SH3PXD2B: variants seen among roughly 807,000 people sequenced by gnomAD.
The protein encoded by SH3PXD2B is SH3 and PX domains 2B, also known as SH3 and PX domain-containing protein 2B.
SH3PXD2B carries 37 observed loss-of-function variants against 73.1 expected under a neutral mutation model. The ratio of observed to expected loss-of-function variants is 0.51; its 90% CI spans 0.39 to 0.67. The LOEUF (loss-of-function observed/expected upper bound fraction) is 0.67. Ranked by LOEUF, SH3PXD2B falls within the 30% of genes least tolerant of loss-of-function variation. The pLI is 0.00. For missense variants in SH3PXD2B, 1,053 were observed against 1,197.8 expected, an observed-to-expected ratio of 0.88 and a Z score of 1.78; for synonymous variants, 457 against 480.5, an observed-to-expected ratio of 0.95 and a Z score of 0.64.
At chr5:172,373,925 C>G in intron 5 of SH3PXD2B, 110 bp from the exon 6 acceptor site, 2 of 1,205,726 alleles carry the variant, frequency 1.7e-6, no homozygotes. Context: ...ACAACATCAT[C>G]AGTGAATGAA....
chr5:172,362,654 AGTTTCT>A, intron 7 of SH3PXD2B, 75 bp downstream of exon 7: 1 of 1,605,952 alleles, frequency 6.2e-7, no homozygotes, highest in East Asian at 2.2e-5. Flanking sequence ...TGGCCATTTC[AGTTTCT>A]GAGTTTCCAA....
At chr5:172,411,815 G>A (rs72846962) in intron 2 of SH3PXD2B, among the ~76,000 whole-genome samples, 2,552 of 150,664 alleles carry the variant, frequency 0.017, 26 homozygotes, top group South Asian at 0.05. Flanking sequence ...TTTTTTAATC[G>A]TGTTAAATAT....
At chr5:172,405,602 T>G (rs1455184533) in intron 3 of SH3PXD2B, among the ~76,000 whole-genome samples, 1 of 152,170 alleles carries the variant, frequency 6.6e-6, no homozygotes, top group African/African-American at 2.4e-5. Context: ...GCCAACAATC[T>G]ACGTGGAGGC....
downstream of SH3PXD2B, among the ~76,000 whole-genome samples, chr5:172,330,840 T>C (rs1210211191): frequency 6.6e-6 from 1 of 152,246 alleles, no homozygotes. Flanking sequence ...GTAAGAACTG[T>C]AGTGAAGATT....
intron 1 of SH3PXD2B, among the ~76,000 whole-genome samples, chr5:172,435,730 T>C (rs1388996749): frequency 1.3e-5 from 2 of 152,220 alleles, no homozygotes; most frequent in Non-Finnish European, 2.9e-5. Flanking sequence ...AGCCAAGTTT[T>C]GTTTTTTTAT....
chr5:172,448,049 A>G (rs1006512368), intron 1 of SH3PXD2B, among the ~76,000 whole-genome samples: 4 of 152,226 alleles, frequency 2.6e-5, no homozygotes, highest in Non-Finnish European at 5.9e-5. Context: ...AATAGTCGTT[A>G]AAGAAAAACC....
chr5:172,376,611 A>T (rs1422189792), intron 5 of SH3PXD2B, among the ~76,000 whole-genome samples: 1 of 152,134 alleles, frequency 6.6e-6, no homozygotes, highest in Non-Finnish European at 1.5e-5. Context: ...GGCGCAGCAG[A>T]GTCTGGCCAG....
chr5:172,426,781 T>C (rs931272088), intron 1 of SH3PXD2B, among the ~76,000 whole-genome samples: 2 of 152,104 alleles, frequency 1.3e-5, no homozygotes, highest in Non-Finnish European at 2.9e-5. Flanking sequence ...GAATTTCCCA[T>C]GGAAAGCGCC....
intron 2 of SH3PXD2B, among the ~76,000 whole-genome samples, chr5:172,415,877 G>A (rs1758806666): frequency 1.3e-5 from 2 of 152,210 alleles, no homozygotes; most frequent in Non-Finnish European, 2.9e-5. Flanking sequence ...CCGACACCAG[G>A]TATTCTTATT....
At chr5:172,328,118 ATTTTTTTTTTT>A (rs145836169) in intron 12 of SH3PXD2B, among the ~76,000 whole-genome samples, 1 of 140,012 alleles carries the variant, frequency 7.1e-6, no homozygotes, top group Non-Finnish European at 1.5e-5. Context: ...TAGTAGGCTG[ATTTTTTTTTTT>A]TTTTTTTGAG....
At position 172,338,246 on chromosome 5, in the gene SH3PXD2B, C is replaced by T; in HGVS notation, c.*123G>A. ...TCTCCACCCATGGGAGGCAAGAAGTCACAGTACCCCAGAGTCTGTCTGCCT... is the reference window on the plus strand; with the variant it reads ...TCTCCACCCATGGGAGGCAAGAAGTTACAGTACCCCAGAGTCTGTCTGCCT... On this transcript the variant is annotated 3_prime_UTR_variant, in exon 13 of 13. Coordinates refer to ENST00000311601, the MANE Select transcript of SH3PXD2B (RefSeq NM_001017995.3). This position sits in a 1 kb window ranked among gnomAD's most constrained non-coding sequence, Gnocchi z 5.1. The T allele has an allele frequency of 6.3e-7, 1 of 1,575,074 alleles. No homozygotes were observed. Among genetic ancestry groups the T allele is most frequent in the Non-Finnish European group, 8.6e-7 (1 of 1,161,940 alleles).
At chr5:172,370,541 C>G (rs1246161140) in intron 6 of SH3PXD2B, among the ~76,000 whole-genome samples, 1 of 152,154 alleles carries the variant, frequency 6.6e-6, no homozygotes, top group East Asian at 1.9e-4. Context: ...CTGGAGCACA[C>G]CCCGGAGTGG....
chr5:172,339,181 C>T lies in SH3PXD2B; in HGVS notation c.1924G>A (p.Val642Ile), dbSNP rs774019142. 2 of 1,614,218 alleles carry T rather than the reference C, an allele frequency of 1.2e-6. No homozygotes were observed. Among genetic ancestry groups the T allele is most frequent in the Non-Finnish European group, 1.7e-6 (2 of 1,180,042 alleles). Reference sequence around the variant, plus strand: ...GGGGAAGGAGCTGGTTTTGGCCTAACCTGAGGTCTGGACTTCAAGAAGGGA... The same window carrying T: ...GGGGAAGGAGCTGGTTTTGGCCTAATCTGAGGTCTGGACTTCAAGAAGGGA... ...QNPFLKSRPQ[V>I]RPKPAPSPKT... The change falls in exon 13 of 13, where the codon GTT (valine) becomes ATT (isoleucine). Residue 642 changes from valine (V) to isoleucine (I), a missense_variant. Val to Ile is a conservative substitution (Grantham distance 29). Coordinates refer to ENST00000311601, the MANE Select transcript of SH3PXD2B (RefSeq NM_001017995.3). The surrounding 1 kb of genome is among the most constrained non-coding windows in gnomAD (Gnocchi z 6.1).
At chr5:172,345,083 A>G (rs1756962819) in intron 12 of SH3PXD2B, among the ~76,000 whole-genome samples, 1 of 147,480 alleles carries the variant, frequency 6.8e-6, no homozygotes, top group African/African-American at 2.5e-5. Flanking sequence ...GGAAGGAGGG[A>G]GGGAAGGAAA....
At chr5:172,352,458 C>T (rs749577446) in intron 9 of SH3PXD2B, among the ~76,000 whole-genome samples, 2 of 152,134 alleles carry the variant, frequency 1.3e-5, no homozygotes, top group Non-Finnish European at 2.9e-5. Context: ...AATTCCTGGC[C>T]TCAAGTGATC....
intron 2 of SH3PXD2B, among the ~76,000 whole-genome samples, 187 bp downstream of exon 2, chr5:172,422,229 G>A (rs182020179): frequency 8.1e-4 from 123 of 152,136 alleles, no homozygotes; most frequent in African/African-American, 2.7e-3. Flanking sequence ...TTCTAACCTC[G>A]AGTGATCCAC....
chr5:172,353,306 G>T lies in SH3PXD2B; in HGVS notation c.785+582C>A, dbSNP rs1465200462. Reference sequence around the variant, plus strand: ...CATGGTCACATCCTGCCTATTGGGGGTGATCAAGGAGGGGTTCCCAGGACT... The same window carrying T: ...CATGGTCACATCCTGCCTATTGGGGTTGATCAAGGAGGGGTTCCCAGGACT... On this transcript the variant is annotated intron_variant, in intron 9 of 12. Coordinates refer to ENST00000311601, the MANE Select transcript of SH3PXD2B (RefSeq NM_001017995.3). This position sits in a 1 kb window ranked among gnomAD's most constrained non-coding sequence, Gnocchi z 4.3. 6.6e-6 allele frequency among the ~76,000 whole-genome samples: 1 copy of T among 152,198 alleles called. No individual in the cohort carries two copies. The highest frequency in any genetic ancestry group is 2.4e-5 in the African/African-American group (1 of 41,426).
intron 1 of SH3PXD2B, among the ~76,000 whole-genome samples, chr5:172,443,595 C>G (rs1431248202): frequency 6.6e-6 from 1 of 152,220 alleles, no homozygotes; most frequent in Non-Finnish European, 1.5e-5. Flanking sequence ...TGTGCTTGGT[C>G]ATCTTAGCCT....
intron 5 of SH3PXD2B, among the ~76,000 whole-genome samples, chr5:172,376,947 C>G (rs1236238958): frequency 6.6e-6 from 1 of 152,182 alleles, no homozygotes; most frequent in Admixed American, 6.5e-5. Context: ...CTGAAGCTCC[C>G]CTCTTGGCTG....
Sources: allele counts gnomAD v4.1 joint callset (sites outside exome capture counted in the v4.1 genomes callset), GRCh38; gene constraint gnomAD v4.1.1; non-coding constraint Gnocchi (gnomAD v3.1); transcripts MANE v1.5; gene names NCBI Gene and HGNC (gene_info 2026-07-23, HGNC 2026-07-21).